OSBPL6: variants seen among roughly 807,000 people sequenced by gnomAD.
OSBPL6 encodes oxysterol binding protein like 6.
In OSBPL6, 49 loss-of-function variants were observed where a neutral mutation model predicts 125.8. The ratio of observed to expected loss-of-function variants is 0.39; its 90% CI spans 0.31 to 0.49. The LOEUF (loss-of-function observed/expected upper bound fraction) is 0.49. Among genes scored for constraint, OSBPL6 ranks in the 20% least tolerant of loss-of-function variants. OSBPL6 has a pLI of 0.88. For missense variants in OSBPL6, 986 were observed against 1,135.4 expected (o/e 0.87, Z 1.89); for synonymous variants, 394 against 391.8 (o/e 1.01, Z -0.07).
At chr2:178,247,261 G>A (rs2091529614) in intron 1 of OSBPL6, among the ~76,000 whole-genome samples, 1 of 151,684 alleles carries the variant, frequency 6.6e-6, no homozygotes, top group Non-Finnish European at 1.5e-5. Flanking sequence ...TCTTCCTTTT[G>A]TGGTGTTGTC....
At chr2:178,234,703 C>T (rs933782832) in intron 1 of OSBPL6, among the ~76,000 whole-genome samples, 1 of 152,128 alleles carries the variant, frequency 6.6e-6, no homozygotes, top group Non-Finnish European at 1.5e-5. Flanking sequence ...TGGTAAGGTC[C>T]AATTTATCCA....
At chr2:178,321,080 G>A (rs1434618882) in intron 3 of OSBPL6, among the ~76,000 whole-genome samples, 1 of 152,190 alleles carries the variant, frequency 6.6e-6, no homozygotes, top group Non-Finnish European at 1.5e-5. Context: ...GAACCCGGGA[G>A]GCGGAGGTTG....
chr2:178,200,003 C>T (rs887798827), intron 1 of OSBPL6, among the ~76,000 whole-genome samples: 4 of 152,006 alleles, frequency 2.6e-5, no homozygotes, highest in East Asian at 3.8e-4. Context: ...AAAAGTTCTT[C>T]GAGAATAATG....
intron 1 of OSBPL6, among the ~76,000 whole-genome samples, chr2:178,205,470 A>T (rs1559113351): frequency 6.6e-6 from 1 of 152,220 alleles, no homozygotes; most frequent in Non-Finnish European, 1.5e-5. Context: ...CTGGATCTCT[A>T]ATAACAGTTC....
intron 3 of OSBPL6, among the ~76,000 whole-genome samples, chr2:178,319,205 A>G (rs1242476079): frequency 6.6e-6 from 1 of 152,232 alleles, no homozygotes; most frequent in Admixed American, 6.5e-5. Context: ...GAAAATTACA[A>G]ATTGTCTGGT....
chr2:178,218,994 A>G (rs961774766), intron 1 of OSBPL6, among the ~76,000 whole-genome samples: 3 of 150,576 alleles, frequency 2.0e-5, no homozygotes, highest in Non-Finnish European at 4.4e-5. Flanking sequence ...CTTTTTTTTT[A>G]TTCTCTCCAC....
intron 12 of OSBPL6, among the ~76,000 whole-genome samples, chr2:178,359,863 A>G (rs754463035): frequency 6.6e-6 from 1 of 152,212 alleles, no homozygotes; most frequent in Non-Finnish European, 1.5e-5. Flanking sequence ...TGCAGTGAGC[A>G]GATTGCTTGA....
At chr2:178,250,491 G>T (rs895718913) in intron 1 of OSBPL6, among the ~76,000 whole-genome samples, 4 of 152,208 alleles carry the variant, frequency 2.6e-5, no homozygotes, top group Admixed American at 6.5e-5. Flanking sequence ...TCCTAAGCCT[G>T]CCAGTGACTT....
At chr2:178,244,685 G>A (rs1387645193) in intron 1 of OSBPL6, among the ~76,000 whole-genome samples, 2 of 152,180 alleles carry the variant, frequency 1.3e-5, no homozygotes, top group Non-Finnish European at 2.9e-5. Flanking sequence ...GCTATGCAGA[G>A]GGAGACTACT....
At chr2:178,245,685 T>C (rs2091462012) in intron 1 of OSBPL6, among the ~76,000 whole-genome samples, 2 of 152,182 alleles carry the variant, frequency 1.3e-5, no homozygotes, top group African/African-American at 2.4e-5. Context: ...ACATATAACA[T>C]GTCATCTGAT....
At chr2:178,273,301 T>TTTAATATGGCC (rs2092407994) in intron 1 of OSBPL6, among the ~76,000 whole-genome samples, 1 of 152,132 alleles carries the variant, frequency 6.6e-6, no homozygotes, top group Admixed American at 6.5e-5. Flanking sequence ...ACTTAAGTAT[T>TTTAATATGGCC]TTAATATGGC....
intron 12 of OSBPL6, among the ~76,000 whole-genome samples, chr2:178,360,398 G>A (rs1324979709): frequency 1.3e-5 from 2 of 152,074 alleles, no homozygotes; most frequent in East Asian, 1.9e-4. Flanking sequence ...TGGATAAGAC[G>A]ATGGATATGT....
chr2:178,227,272 C>G (rs1179300947), intron 1 of OSBPL6, among the ~76,000 whole-genome samples: 1 of 152,128 alleles, frequency 6.6e-6, no homozygotes, highest in African/African-American at 2.4e-5. Context: ...ATTTTATAAC[C>G]ATTCAATTGG....
chr2:178,301,198 A>G lies in OSBPL6; in HGVS notation c.-155-4832A>G, dbSNP rs151224699. Among the ~76,000 whole-genome samples the G allele has an allele frequency of 5.9e-5, 9 of 152,168 alleles. No homozygotes were observed. In the East Asian group the frequency reaches 1.7e-3, roughly 30 times the overall value. On this transcript the variant is annotated intron_variant, in intron 2 of 24. Coordinates refer to ENST00000190611, the MANE Select transcript of OSBPL6 (RefSeq NM_032523.4). ...AGAAAGGGAAGAGATGATATCAGAT[A>G]AAGCAAAACAAAAAGTGTTAAAAGG...
In OSBPL6 at chr2:178,382,401, A is replaced by C. The variant is rs368963872; in HGVS notation, c.1534-19A>C. The C allele has an allele frequency of 1.3e-6, 2 of 1,578,814 alleles. No homozygotes were observed. The highest frequency in any genetic ancestry group is 1.4e-5 in the African/African-American group (1 of 73,838). ...ACTGAACAAGAATTCTGATCCTTGT[A>C]TGTTCTTCCCTTCCTTAGGCTTCAG... On this transcript the variant is annotated intron_variant, in intron 15 of 24. Coordinates refer to ENST00000190611, the MANE Select transcript of OSBPL6 (RefSeq NM_032523.4).
intron 3 of OSBPL6, among the ~76,000 whole-genome samples, chr2:178,308,284 A>G (rs1430784153): frequency 1.3e-5 from 2 of 152,210 alleles, no homozygotes; most frequent in Non-Finnish European, 2.9e-5. Flanking sequence ...GAATTAACTT[A>G]GGGAACTCAG....
intron 1 of OSBPL6, among the ~76,000 whole-genome samples, chr2:178,242,769 C>A (rs1016477548): frequency 5.3e-5 from 8 of 151,998 alleles, no homozygotes; most frequent in African/African-American, 1.5e-4. Context: ...GATATCGATG[C>A]GTTAAGTTTT....
At chr2:178,230,151 G>C (rs2090756409) in intron 1 of OSBPL6, among the ~76,000 whole-genome samples, 3 of 152,178 alleles carry the variant, frequency 2.0e-5, no homozygotes, top group African/African-American at 7.2e-5. Flanking sequence ...TTTAAAGGCT[G>C]TTACACAACA....
chr2:178,349,129 CT>C, intron 11 of OSBPL6, 94 bp from the exon 12 acceptor site: 1 of 1,280,780 alleles, frequency 7.8e-7, no homozygotes, highest in South Asian at 1.2e-5. Context: ...AGAGAGGAAT[CT>C]ATTATTTTGA....
Sources: allele counts gnomAD v4.1 joint callset (sites outside exome capture counted in the v4.1 genomes callset), GRCh38; gene constraint gnomAD v4.1.1; transcripts MANE v1.5; gene names NCBI Gene and HGNC (gene_info 2026-07-23, HGNC 2026-07-21).